The following SLC27A1 variants were observed in gnomAD, a reference collection of about 807,000 sequenced individuals.
SLC27A1 encodes the protein long-chain fatty acid transport protein 1.
SLC27A1 carries 61 observed loss-of-function variants against 62.2 expected under a neutral mutation model. The observed-to-expected ratio is 0.98, with a 90% confidence interval of 0.80 to 1.21. The LOEUF (loss-of-function observed/expected upper bound fraction) is 1.21. Among genes scored for constraint, SLC27A1 ranks in the 50% most tolerant of loss-of-function variants. SLC27A1 has a pLI of 0.00. For synonymous variants in SLC27A1, 435 were observed against 408.6 expected (o/e 1.06, Z -0.78); for missense variants, 903 against 932.1 (o/e 0.97, Z 0.41).
chr19:17,498,822 C>A, intron 7 of SLC27A1: 1 of 157,066 alleles, frequency 6.4e-6, no homozygotes, highest in African/African-American at 2.4e-5. Context: ...ACAGGGGGCC[C>A]TTCCCTGCCT....
chr19:17,485,978 G>T (rs1012467596), intron 1 of SLC27A1, among the ~76,000 whole-genome samples: 1 of 152,180 alleles, frequency 6.6e-6, no homozygotes, highest in African/African-American at 2.4e-5. Flanking sequence ...AGCGAGTGGG[G>T]AAGGGGAACT....
intron 1 of SLC27A1, among the ~76,000 whole-genome samples, chr19:17,476,248 G>A (rs1445612557): frequency 6.6e-6 from 1 of 151,954 alleles, no homozygotes; most frequent in East Asian, 1.9e-4. Context: ...TATACTAGGT[G>A]CTCCAGGCTG....
chr19:17,470,604 C>A lies in SLC27A1; in HGVS notation c.64C>A (p.Leu22Met). 6.4e-7 allele frequency: 1 copy of A among 1,568,280 alleles called. No homozygotes were observed. Among genetic ancestry groups the A allele is most frequent in the Admixed American group, 1.8e-5 (1 of 55,164 alleles). The change falls in exon 1 of 12, where the codon CTG (leucine) becomes ATG (methionine). Residue 22 changes from leucine (L) to methionine (M), a missense_variant. Leu to Met is a conservative substitution (Grantham distance 15). Coordinates refer to ENST00000252595, the MANE Select transcript of SLC27A1 (RefSeq NM_198580.3). Reference protein sequence around the residue: ...VSLALLWLLGLPWTWSAAAAL... With the variant: ...VSLALLWLLGMPWTWSAAAAL... ...GCTGGCGCTGTTGTGGCTGCTGGGG[C>A]TGCCGTGGACCTGGAGCGCGGCAGC...
chr19:17,478,141 G>T (rs182420179), intron 1 of SLC27A1, among the ~76,000 whole-genome samples: 1 of 152,086 alleles, frequency 6.6e-6, no homozygotes, highest in Non-Finnish European at 1.5e-5. Context: ...GTGCTTGGGG[G>T]TCATTTTCAA....
chr19:17,501,849 C>T (rs1749136244), intron 11 of SLC27A1, among the ~76,000 whole-genome samples: 3 of 149,142 alleles, frequency 2.0e-5, no homozygotes, highest in South Asian at 4.2e-4. Context: ...TGGTGGCTCC[C>T]GCCTGTAATC....
chr19:17,483,290 AC>A (rs1451360109), intron 1 of SLC27A1, among the ~76,000 whole-genome samples: 1 of 152,168 alleles, frequency 6.6e-6, no homozygotes, highest in Non-Finnish European at 1.5e-5. Flanking sequence ...TGCCCCACTG[AC>A]CAAGTGCGGC....
intron 1 of SLC27A1, among the ~76,000 whole-genome samples, chr19:17,482,293 C>T (rs1466407605): frequency 1.3e-5 from 2 of 152,080 alleles, no homozygotes; most frequent in Non-Finnish European, 2.9e-5. Context: ...GTGAGGCAGG[C>T]GGATCACCTG....
chr19:17,472,354 C>T (rs908324985), intron 1 of SLC27A1, among the ~76,000 whole-genome samples: 4 of 147,796 alleles, frequency 2.7e-5, no homozygotes, highest in African/African-American at 1.0e-4. Flanking sequence ...GAGATCATGC[C>T]ACTGCAGTCC....
intron 1 of SLC27A1, among the ~76,000 whole-genome samples, chr19:17,479,421 GC>G (rs1387716014): frequency 3.9e-5 from 6 of 152,068 alleles, no homozygotes; most frequent in Non-Finnish European, 5.9e-5. Flanking sequence ...GCAGCGGGGG[GC>G]CCCATTCTTG....
Position 17,504,667 on chromosome 19 carries a change from G to C in SLC27A1, c.*55G>C. On this transcript the variant is annotated 3_prime_UTR_variant, in exon 12 of 12. Coordinates refer to ENST00000252595, the MANE Select transcript of SLC27A1 (RefSeq NM_198580.3). The stretch of plus-strand genomic sequence containing the variant: ...GGCCTGGTGGGAGAGGCCAGCTTGA[G>C]CCAGACAGCGCTGCCCAGGGGTGGC... The C allele has an allele frequency of 6.2e-7, 1 of 1,608,416 alleles. No individual in the cohort carries two copies. Among genetic ancestry groups the C allele is most frequent in the Non-Finnish European group, 8.5e-7 (1 of 1,177,720 alleles).
chr19:17,472,524 T>G (rs1166472600), intron 1 of SLC27A1, among the ~76,000 whole-genome samples: 2 of 152,230 alleles, frequency 1.3e-5, no homozygotes, highest in Non-Finnish European at 2.9e-5. Flanking sequence ...TTTTGTCTAT[T>G]GCTCATTTGT....
chr19:17,483,521 G>C (rs1181052159), intron 1 of SLC27A1, among the ~76,000 whole-genome samples: 1 of 152,046 alleles, frequency 6.6e-6, no homozygotes, highest in African/African-American at 2.4e-5. Flanking sequence ...CCCAAAAGTA[G>C]CCAGAGGGGC....
At chr19:17,503,750 A>T (rs1228345467) in intron 11 of SLC27A1, 1 of 151,862 alleles carries the variant, frequency 6.6e-6, no homozygotes, top group African/African-American at 2.4e-5. Context: ...TGGCCAACAT[A>T]GTGAAACCCT....
chr19:17,500,175 C>G (rs890533988), intron 7 of SLC27A1, 103 bp from the exon 8 acceptor site: 16 of 1,513,980 alleles, frequency 1.1e-5, no homozygotes, highest in Non-Finnish European at 1.4e-5. Flanking sequence ...TAGAATGACA[C>G]TGGAGGTGCT....
intron 11 of SLC27A1, 131 bp downstream of exon 11, chr19:17,501,550 TC>T: frequency 7.8e-7 from 1 of 1,287,444 alleles, no homozygotes; most frequent in Non-Finnish European, 1.1e-6. Flanking sequence ...ACGCCTGTAA[TC>T]CCAGCACTTT....
intron 1 of SLC27A1, among the ~76,000 whole-genome samples, chr19:17,484,881 AT>A (rs1363185257): frequency 6.6e-6 from 1 of 152,134 alleles, no homozygotes; most frequent in Non-Finnish European, 1.5e-5. Context: ...GGATTTGGTG[AT>A]TTTGATGCAG....
At chr19:17,470,512 G>A, upstream of SLC27A1, 1 of 1,513,666 alleles carries the variant, frequency 6.6e-7, no homozygotes, top group Non-Finnish European at 8.8e-7. Flanking sequence ...GGAGCGGCCC[G>A]CGGCCTCAGC....
In SLC27A1 at chr19:17,470,571, G is replaced by T. The variant is rs1224468293; in HGVS notation, c.31G>T (p.Val11Leu). The change falls in exon 1 of 12, where the codon GTG (valine) becomes TTG (leucine). Residue 11 changes from valine (V) to leucine (L), a missense_variant. Physicochemically the swap from Val to Leu is conservative, Grantham distance 32 (BLOSUM62 1). Transcript: ENST00000252595. ...GGCTCCGGGTGCGGGCGCGGCCTCG[G>T]TGGTCTCGCTGGCGCTGTTGTGGCT... MRAPGAGAASVVSLALLWLLG... is the reference protein window; with the variant it reads MRAPGAGAASLVSLALLWLLG... 1.3e-6 allele frequency: 2 copies of T among 1,569,460 alleles called. No homozygotes were observed. The highest frequency in any genetic ancestry group is 3.6e-5 in the Admixed American group (2 of 56,198).
intron 11 of SLC27A1, among the ~76,000 whole-genome samples, chr19:17,503,931 CAAAAAAAAAAAAA>C (rs749427478): frequency 9.4e-5 from 5 of 53,314 alleles, no homozygotes; most frequent in South Asian, 1.1e-3. Flanking sequence ...GACTATGTCT[CAAAAAAAAAAAAA>C]AAAAAAAAAA....
Sources: gnomAD v4.1 joint callset for allele counts (sites outside exome capture counted in the v4.1 genomes callset) on GRCh38, gnomAD v4.1.1 for gene constraint, MANE v1.5 for transcripts, NCBI Gene and HGNC (gene_info 2026-07-23, HGNC 2026-07-21) for gene names.